Variants in ACTR3 observed in about 807,000 individuals in gnomAD.
ACTR3 encodes the protein actin-related protein 3.
ACTR3 carries 12 observed loss-of-function variants against 56.8 expected under a neutral mutation model. The ratio of observed to expected loss-of-function variants is 0.21; its 90% CI spans 0.14 to 0.34. ACTR3 has a LOEUF of 0.34. ACTR3 is among the 10% of genes least tolerant of loss of function. The probability of loss-of-function intolerance (pLI) is 1.00; values close to 1 mark genes in which losing one functional copy is unlikely to be tolerated. For synonymous variants in ACTR3, 162 were observed against 167.4 expected (o/e 0.97, Z 0.25); for missense variants, 282 against 512.5 (o/e 0.55, Z 4.34).
chr2:113,893,584 G>T (rs116989407), intron 1 of ACTR3, among the ~76,000 whole-genome samples: 3 of 152,054 alleles, frequency 2.0e-5, no homozygotes, highest in Admixed American at 6.6e-5. Context: ...GAGCCACCGC[G>T]CCCAGCCTTA....
At chr2:113,909,674 G>C (rs1324690703) in intron 1 of ACTR3, among the ~76,000 whole-genome samples, 1 of 149,686 alleles carries the variant, frequency 6.7e-6, no homozygotes, top group Non-Finnish European at 1.5e-5. Flanking sequence ...TGTGAGGGGG[G>C]AATAGGGAAT....
intron 3 of ACTR3, among the ~76,000 whole-genome samples, chr2:113,927,089 A>C (rs1383147464): frequency 6.6e-6 from 1 of 152,208 alleles, no homozygotes; most frequent in Non-Finnish European, 1.5e-5. Flanking sequence ...ATGGTCTTCC[A>C]TGTAGATTTA....
intron 4 of ACTR3, among the ~76,000 whole-genome samples, chr2:113,928,208 C>T (rs942025707): frequency 3.3e-5 from 5 of 152,070 alleles, no homozygotes; most frequent in East Asian, 3.8e-4. Flanking sequence ...CTGTGTCTTT[C>T]GGTGATTGTG....
chr2:113,915,437 C>G (rs527888009), intron 2 of ACTR3, among the ~76,000 whole-genome samples: 3 of 152,314 alleles, frequency 2.0e-5, no homozygotes, highest in African/African-American at 7.2e-5. Flanking sequence ...TTGATAACTT[C>G]GTTTTAACTG....
chr2:113,891,518 G>GT (rs1353197889), intron 1 of ACTR3, among the ~76,000 whole-genome samples: 24 of 149,026 alleles, frequency 1.6e-4, no homozygotes, highest in African/African-American at 5.0e-4. Context: ...ATAGGAAAGT[G>GT]GTTTTTTTTT....
At chr2:113,932,715 T>C (rs968792225) in intron 5 of ACTR3, among the ~76,000 whole-genome samples, 5 of 152,190 alleles carry the variant, frequency 3.3e-5, no homozygotes, top group Admixed American at 2.0e-4. Context: ...AGTTTTGAAC[T>C]TACTTATAGA....
chr2:113,917,200 A>G (rs1679422829), intron 3 of ACTR3, among the ~76,000 whole-genome samples, 192 bp downstream of exon 3: 1 of 151,610 alleles, frequency 6.6e-6, no homozygotes, highest in Admixed American at 6.6e-5. Flanking sequence ...ATAACCCCTA[A>G]GAGGAAAGTT....
intron 6 of ACTR3, among the ~76,000 whole-genome samples, chr2:113,936,928 A>G (rs554225626): frequency 4.6e-5 from 7 of 152,244 alleles, no homozygotes; most frequent in Admixed American, 2.0e-4. Flanking sequence ...CTTCTTAAGG[A>G]CACCACTTAT....
At chr2:113,935,354 C>T (rs1679807916) in intron 6 of ACTR3, among the ~76,000 whole-genome samples, 2 of 152,168 alleles carry the variant, frequency 1.3e-5, no homozygotes, top group South Asian at 4.1e-4. Flanking sequence ...TAACAGTCAC[C>T]ACCCATTTCC....
At chr2:113,932,497 C>T (rs532537687) in intron 5 of ACTR3, among the ~76,000 whole-genome samples, 8 of 152,168 alleles carry the variant, frequency 5.3e-5, no homozygotes, top group East Asian at 1.9e-4. Context: ...CCTCTGGAGT[C>T]GTAATTTGGT....
At chr2:113,908,663 C>T (rs79589119) in intron 1 of ACTR3, among the ~76,000 whole-genome samples, 95 of 151,834 alleles carry the variant, frequency 6.3e-4, no homozygotes, top group African/African-American at 2.0e-3. Flanking sequence ...ATTTTCTGTA[C>T]GCTTATTCTC....
At chr2:113,943,386 T>G (rs1679959352) in intron 8 of ACTR3, among the ~76,000 whole-genome samples, 2 of 152,204 alleles carry the variant, frequency 1.3e-5, no homozygotes, top group African/African-American at 4.8e-5. Flanking sequence ...TAGGTATTCA[T>G]GGACCCAGTC....
rs1680234583 is a variant in ACTR3 at position 113,957,346 on chromosome 2, T to C, written c.1162-14T>C. ...TTTTTGACCCTTATAAAAATACATA[T>C]TTTTTGTTTTCAGCCTGAGTTCTAC... On this transcript the variant is annotated splice_polypyrimidine_tract_variant and intron_variant, in intron 11 of 11. Transcript: ENST00000263238. 1 of 1,595,774 alleles carries C rather than the reference T, an allele frequency of 6.3e-7. No individual in the cohort carries two copies. Among genetic ancestry groups the C allele is most frequent in the Admixed American group, 1.7e-5 (1 of 59,816 alleles).
At position 113,943,646 on chromosome 2, in the gene ACTR3, A is replaced by G. The variant is rs188806119; in HGVS notation, c.858+1287A>G. On this transcript the variant is annotated intron_variant, in intron 8 of 11. Transcript: ENST00000263238. The stretch of plus-strand genomic sequence containing the variant: ...GAGGTGAGAGAAAAATAGAATCAAC[A>G]TAATCAGTAATTGCTTAGATATGAG... Among the ~76,000 whole-genome samples the G allele has an allele frequency of 1.6e-4, 25 of 152,320 alleles. No individual in the cohort carries two copies. In the East Asian group the frequency reaches 4.0e-3, roughly 25 times the overall value.
intron 6 of ACTR3, among the ~76,000 whole-genome samples, chr2:113,939,179 A>G (rs2104616898): frequency 6.6e-6 from 1 of 151,598 alleles, no homozygotes; most frequent in Admixed American, 6.6e-5. Flanking sequence ...GCGCGCCACC[A>G]TGCCCGGCTA....
chr2:113,913,961 C>T (rs1015994471), intron 2 of ACTR3, among the ~76,000 whole-genome samples: 3 of 152,158 alleles, frequency 2.0e-5, no homozygotes, highest in African/African-American at 7.2e-5. Context: ...ATCTATTTGT[C>T]TTACAGCCAA....
rs575358611 is a variant in ACTR3, at chr2:113,891,185, A to G, written c.44+862A>G. ...TTACCGGTGCTTGGTGTCCATTTAT[A>G]TGACTTAAAAAAATGTACTTATGTT... On this transcript the variant is annotated intron_variant, in intron 1 of 11. Coordinates refer to ENST00000263238, the MANE Select transcript of ACTR3 (RefSeq NM_005721.5). Among the ~76,000 whole-genome samples, 4 of 152,314 alleles carry G rather than the reference A, an allele frequency of 2.6e-5. No homozygotes were observed. In the South Asian group the frequency reaches 8.3e-4, roughly 32 times the overall value.
intron 8 of ACTR3, among the ~76,000 whole-genome samples, chr2:113,944,522 G>A (rs2104622010): frequency 6.8e-6 from 1 of 147,574 alleles, no homozygotes; most frequent in Admixed American, 6.9e-5. Flanking sequence ...GCCGAAGCGG[G>A]CAGATCACGA....
intron 9 of ACTR3, 52 bp from the exon 10 acceptor site, chr2:113,951,668 T>C (rs760312818): frequency 2.3e-5 from 34 of 1,481,762 alleles, no homozygotes; most frequent in Non-Finnish European, 2.9e-5. Context: ...CTATATATTA[T>C]ATCTTTAAAC....
Sources: gnomAD v4.1 joint callset for allele counts (sites outside exome capture counted in the v4.1 genomes callset) on GRCh38, gnomAD v4.1.1 for gene constraint, MANE v1.5 for transcripts, NCBI Gene and HGNC (gene_info 2026-07-23, HGNC 2026-07-21) for gene names.